Variants in PKD2L2 observed in about 807,000 individuals in gnomAD.
The protein encoded by PKD2L2 is polycystin-2-like protein 2.
PKD2L2 carries 67 observed loss-of-function variants against 83.9 expected under a neutral mutation model. That is an observed-to-expected ratio of 0.80 (90% CI 0.66 to 0.98). The LOEUF (loss-of-function observed/expected upper bound fraction) is 0.98, where lower values mean the gene tolerates loss of function less well. Ranked by LOEUF, PKD2L2 falls within the 50% of genes least tolerant of loss-of-function variation. The pLI is 0.00. For synonymous variants in PKD2L2, 223 were observed against 237.8 expected, an observed-to-expected ratio of 0.94 and a Z score of 0.57; for missense variants, 632 against 717.2, an observed-to-expected ratio of 0.88 and a Z score of 1.36.
chr5:137,921,547 G>C (rs568228030), intron 8 of PKD2L2, 89 bp from the exon 9 acceptor site: 1 of 791,662 alleles, frequency 1.3e-6, no homozygotes, highest in East Asian at 2.5e-5. Flanking sequence ...TATGCTGCTA[G>C]ATATCCTCTT....
chr5:137,906,566 T>A (rs2150019540), intron 6 of PKD2L2, 132 bp downstream of exon 6: 1 of 570,348 alleles, frequency 1.8e-6, no homozygotes, highest in East Asian at 2.9e-5. Context: ...ACATAAAATG[T>A]ACTGGGAATA....
chr5:137,908,906 G>A lies in PKD2L2; in HGVS notation c.1288G>A (p.Gly430Arg). The change falls in exon 8 of 15, where the codon GGA becomes AGA. Residue 430 changes from glycine (G) to arginine (R), a missense_variant. Around this residue, in one of 3 missense-constraint regions of PKD2L2, gnomAD observed 399 missense variants for 416.9 expected, o/e 0.96. Coordinates refer to ENST00000508883, the MANE Select transcript of PKD2L2 (RefSeq NM_001300921.2). The stretch of plus-strand genomic sequence containing the variant: ...TGCCCAGTTAGGATTTCTTGTTTTT[G>A]GATCACAAGTTGATGACTTTTCCAC... Reference protein sequence around the residue: ...AYAQLGFLVFGSQVDDFSTFQ... With the variant: ...AYAQLGFLVFRSQVDDFSTFQ... 1 of 1,608,806 alleles carries A rather than the reference G, an allele frequency of 6.2e-7. No homozygotes were observed. The highest frequency in any genetic ancestry group is 8.5e-7 in the Non-Finnish European group (1 of 1,176,862).
Position 137,925,118 on chromosome 5 carries a change from T to G in PKD2L2, c.1616+14T>G. 1.3e-6 allele frequency: 2 copies of G among 1,508,824 alleles called. No individual in the cohort carries two copies. Among genetic ancestry groups the G allele is most frequent in the Admixed American group, 3.4e-5 (2 of 59,400 alleles). The allele number at this position is 1,508,824 out of a possible 1,614,324, so 93.5% of individuals were successfully genotyped here. On this transcript the variant is annotated intron_variant, in intron 11 of 14. Transcript: ENST00000508883. The stretch of plus-strand genomic sequence containing the variant: ...AGACAAGAAAACGTAAGATGACTTC[T>G]CTCAAATGTTTAACTTACCATTTTA...
chr5:137,923,532 T>A lies in PKD2L2; in HGVS notation c.1551+11T>A. The A allele has an allele frequency of 8.8e-7, 1 of 1,133,412 alleles. No homozygotes were observed. Among genetic ancestry groups the A allele is most frequent in the Non-Finnish European group, 1.3e-6 (1 of 742,080 alleles). 70.2% of individuals were successfully genotyped at this position (1,133,412 alleles called of 1,614,324 possible). ...AAAATGATTAAACAGGTAAGTCAAA[T>A]TTCTTTCCTAATTAGAATTCTAAGA... On this transcript the variant is annotated intron_variant, in intron 10 of 14. Transcript: ENST00000508883.
intron 5 of PKD2L2, among the ~76,000 whole-genome samples, chr5:137,904,749 C>T (rs1453421593): frequency 6.6e-6 from 1 of 152,084 alleles, no homozygotes; most frequent in East Asian, 1.9e-4. Flanking sequence ...GCACATGCAC[C>T]CCTGAACCTA....
At position 137,906,248 on chromosome 5, in the gene PKD2L2, A is replaced by C. The variant is rs763177880; in HGVS notation, c.789A>C (p.Ser263=). Residue 263 remains serine (S), a synonymous_variant, in exon 6 of 15, where the codon TCA becomes TCC. Transcript: ENST00000508883. ...EFPATGGILT[S]WQFYSVKLLR... ...CTGCAACTGGAGGAATACTTACTTC[A>C]TGGCAGTTTTACTCTGTGAAGCTCC... 1.2e-6 allele frequency: 2 copies of C among 1,612,310 alleles called. No individual in the cohort carries two copies. Among genetic ancestry groups the C allele is most frequent in the African/African-American group, 1.3e-5 (1 of 74,858 alleles).
intron 8 of PKD2L2, among the ~76,000 whole-genome samples, chr5:137,909,746 G>T (rs1334516766): frequency 6.6e-6 from 1 of 151,590 alleles, no homozygotes; most frequent in Non-Finnish European, 1.5e-5. Flanking sequence ...TGTTGCCCAG[G>T]CTGGTCTTGA....
Position 137,941,328 on chromosome 5 carries a change from C to A in PKD2L2, c.*18-1056C>A, listed in dbSNP as rs192496483. ...TTAGCTATCAGCTTGGTAAGATAAC[C>A]CAGCTACTTAGAAAAATGTTTCTCA... On this transcript the variant is annotated intron_variant, in intron 14 of 14. Coordinates refer to ENST00000508883, the MANE Select transcript of PKD2L2 (RefSeq NM_001300921.2). 1.6e-3 allele frequency among the ~76,000 whole-genome samples: 251 copies of A among 152,138 alleles called. 1 individual carries two copies. Among genetic ancestry groups the A allele is most frequent in the African/African-American group, 5.8e-3 (241 of 41,476 alleles).
chr5:137,934,096 T>C (rs1760106773), intron 12 of PKD2L2, among the ~76,000 whole-genome samples: 1 of 152,176 alleles, frequency 6.6e-6, no homozygotes, highest in South Asian at 2.1e-4. Flanking sequence ...TTCTGAGATA[T>C]TGCAGGAGTG....
At position 137,942,087 on chromosome 5, in the gene PKD2L2, C is replaced by A. The variant is rs773434415; in HGVS notation, c.*18-297C>A. 16 of 1,499,340 alleles carry A rather than the reference C, an allele frequency of 1.1e-5. 1 individual carries two copies. In the South Asian group the frequency reaches 1.8e-4, roughly 17 times the overall value. The allele number at this position is 1,499,340 out of a possible 1,614,324, so 92.9% of individuals were successfully genotyped here. On this transcript the variant is annotated intron_variant, in intron 14 of 14. Transcript: ENST00000508883. ...AAAATACTGAAGGGCACACTTGATTCATTATATTCTTAAGAGAGGTTCTAT... is the reference window on the plus strand; with the variant it reads ...AAAATACTGAAGGGCACACTTGATTAATTATATTCTTAAGAGAGGTTCTAT...
At chr5:137,909,914 A>T (rs1052715027) in intron 8 of PKD2L2, among the ~76,000 whole-genome samples, 4 of 152,082 alleles carry the variant, frequency 2.6e-5, no homozygotes, top group Non-Finnish European at 5.9e-5. Context: ...TCCTTTGCTA[A>T]TCTGCCAAAC....
intron 13 of PKD2L2, 42 bp downstream of exon 13, chr5:137,935,951 C>T: frequency 1.9e-6 from 2 of 1,071,590 alleles, no homozygotes; most frequent in East Asian, 2.4e-5. Context: ...GATATCATGA[C>T]ATGCGCATTA....
chr5:137,932,750 A>G (rs963303876), intron 12 of PKD2L2, among the ~76,000 whole-genome samples: 4 of 152,108 alleles, frequency 2.6e-5, no homozygotes, highest in African/African-American at 9.7e-5. Flanking sequence ...TTTTTTTTGG[A>G]TGTTGGAATA....
At chr5:137,939,379 G>C (rs182224747) in intron 14 of PKD2L2, 2 of 152,684 alleles carry the variant, frequency 1.3e-5, no homozygotes, top group African/African-American at 4.8e-5. Context: ...CCTACATACT[G>C]ACATGGCTAT....
At position 137,936,432 on chromosome 5, in the gene PKD2L2, G is replaced by C. The variant is rs1561712573; in HGVS notation, c.*17+5G>C. The C allele has an allele frequency of 6.5e-7, 1 of 1,527,262 alleles. No individual in the cohort carries two copies. Among genetic ancestry groups the C allele is most frequent in the East Asian group, 2.5e-5 (1 of 40,770 alleles). 94.6% of individuals were successfully genotyped at this position (1,527,262 alleles called of 1,614,324 possible). On this transcript the variant is annotated splice_donor_5th_base_variant and intron_variant, in intron 14 of 14. Transcript: ENST00000508883. The stretch of plus-strand genomic sequence containing the variant: ...ATAGTATTGAGACAAGTGGAGGTAA[G>C]AATCTGTGATGCAATCATTGAGCAT...
chr5:137,916,473 T>A (rs1758355375), intron 8 of PKD2L2, among the ~76,000 whole-genome samples: 1 of 110,382 alleles, frequency 9.1e-6, no homozygotes, highest in African/African-American at 3.2e-5. Context: ...GCCACTTTTC[T>A]TCTTTTTTTT....
intron 8 of PKD2L2, among the ~76,000 whole-genome samples, chr5:137,918,823 T>C (rs1758614345): frequency 6.7e-6 from 1 of 149,936 alleles, no homozygotes; most frequent in Non-Finnish European, 1.5e-5. Flanking sequence ...TTCCCATGGT[T>C]CTCTTCCACC....
chr5:137,933,050 C>CAAAAAAAAAAAAAAAAAAAACAA (rs34015851), intron 12 of PKD2L2, among the ~76,000 whole-genome samples: 1 of 122,714 alleles, frequency 8.1e-6, no homozygotes, highest in Non-Finnish European at 1.7e-5. Flanking sequence ...CAAAACAAAC[C>CAAAAAAAAAAAAAAAAAAAACAA]AAAAAAAAAA....
intron 8 of PKD2L2, among the ~76,000 whole-genome samples, chr5:137,912,435 C>T (rs1052046945): frequency 2.0e-5 from 3 of 152,090 alleles, no homozygotes; most frequent in Non-Finnish European, 2.9e-5. Context: ...GGCATGATCT[C>T]GGCTCACTGT....
Sources: allele counts gnomAD v4.1 joint callset (sites outside exome capture counted in the v4.1 genomes callset), GRCh38; gene constraint gnomAD v4.1.1; regional missense constraint gnomAD v4.1.1; transcripts MANE v1.5; gene names NCBI Gene and HGNC (gene_info 2026-07-23, HGNC 2026-07-21).